The following RGS17 variants were observed in gnomAD, a reference collection of about 807,000 sequenced individuals.
RGS17 encodes regulator of G-protein signaling 17.
A neutral mutation model predicts 25.5 loss-of-function variants in RGS17; 12 were observed. The ratio of observed to expected loss-of-function variants is 0.47; its 90% CI spans 0.30 to 0.76. The LOEUF is 0.76. RGS17 is among the 30% of genes least tolerant of loss of function. RGS17 has a pLI of 0.07. For synonymous variants in RGS17, 71 were observed against 76.9 expected (o/e 0.92, Z 0.40); for missense variants, 196 against 242.2 (o/e 0.81, Z 1.27).
In RGS17 at chr6:153,074,521, G is replaced by A. The variant is rs144535490; in HGVS notation, c.-25-30478C>T. Among the ~76,000 whole-genome samples, 13 of 152,292 alleles carry A rather than the reference G, an allele frequency of 8.5e-5. No individual in the cohort carries two copies. In the East Asian group the frequency reaches 2.5e-3, roughly 29 times the overall value. On this transcript the variant is annotated intron_variant, in intron 1 of 4. Transcript: ENST00000206262. ...CAAAACTCCCTGTTAAAGCAGAATG[G>A]ATGTTGGAAATCGCTGGAACTCTTT...
At chr6:153,029,783 G>T (rs1779342670) in intron 2 of RGS17, among the ~76,000 whole-genome samples, 1 of 152,012 alleles carries the variant, frequency 6.6e-6, no homozygotes, top group Non-Finnish European at 1.5e-5. Context: ...TAGAGACAGG[G>T]TTTCACCATG....
At chr6:153,059,659 C>G (rs980723157) in intron 1 of RGS17, among the ~76,000 whole-genome samples, 3 of 152,090 alleles carry the variant, frequency 2.0e-5, no homozygotes, top group Non-Finnish European at 4.4e-5. Flanking sequence ...TAACAAGGAG[C>G]CAAGTGAAAA....
In RGS17 at chr6:153,026,478, T is replaced by C; in HGVS notation, c.185A>G (p.Glu62Gly). ...AGRPTHTTKM[E>G]SIQVLEECQN... ...CCATTCCTCTAGGACCTGGATACTC[T>C]CCATTTTTGTAGTGTGTGTGGGTCT... Residue 62 changes from glutamate (E) to glycine (G), a missense_variant, in exon 3 of 5, where the codon GAG (glutamate) becomes GGG (glycine). Around this residue, in one of 2 missense-constraint regions of RGS17, gnomAD observed 179 missense variants for 197.6 expected, o/e 0.91. Coordinates refer to ENST00000206262, the MANE Select transcript of RGS17 (RefSeq NM_012419.5). The C allele has an allele frequency of 6.2e-7, 1 of 1,613,062 alleles. No individual in the cohort carries two copies.
At chr6:153,129,402 C>CT (rs1402462205) in intron 1 of RGS17, among the ~76,000 whole-genome samples, 1 of 152,250 alleles carries the variant, frequency 6.6e-6, no homozygotes, top group Non-Finnish European at 1.5e-5. Flanking sequence ...AATACTCTCA[C>CT]TACAGAAGAC....
chr6:153,076,790 G>A (rs1173788675), intron 1 of RGS17, among the ~76,000 whole-genome samples: 2 of 152,114 alleles, frequency 1.3e-5, no homozygotes, highest in East Asian at 3.8e-4. Flanking sequence ...ACACTAAATA[G>A]GGGAATACAA....
chr6:153,091,706 T>C (rs1483708968), intron 1 of RGS17, among the ~76,000 whole-genome samples: 3 of 151,918 alleles, frequency 2.0e-5, no homozygotes, highest in Non-Finnish European at 4.4e-5. Context: ...AGAGACGGGG[T>C]TTCTCCATGT....
At chr6:153,116,230 A>C (rs1405484955) in intron 1 of RGS17, among the ~76,000 whole-genome samples, 4 of 152,192 alleles carry the variant, frequency 2.6e-5, no homozygotes, top group Non-Finnish European at 5.9e-5. Context: ...TTACAAGAAA[A>C]AAGCAAACAA....
chr6:153,052,095 G>C (rs9384070), intron 1 of RGS17, among the ~76,000 whole-genome samples: 58,558 of 151,988 alleles, frequency 0.39, 11,985 homozygotes, highest in East Asian at 0.62. Flanking sequence ...AGGAAGAATT[G>C]CCTGATTTTC....
At position 153,127,706 on chromosome 6, in the gene RGS17, T is replaced by C. The variant is rs569251004; in HGVS notation, c.-26+3418A>G. Among the ~76,000 whole-genome samples the C allele has an allele frequency of 4.6e-5, 7 of 152,318 alleles. No homozygotes were observed. In the South Asian group the frequency reaches 1.4e-3, roughly 32 times the overall value. ...ATAATTGGGAAACAAATCAGTAATA[T>C]AAATGTTGTATTAAACACATATATA... is the stretch of plus-strand genomic sequence containing the variant. On this transcript the variant is annotated intron_variant, in intron 1 of 4. Transcript: ENST00000206262.
At chr6:153,099,731 C>A (rs546735989) in intron 1 of RGS17, among the ~76,000 whole-genome samples, 2 of 152,156 alleles carry the variant, frequency 1.3e-5, no homozygotes, top group Non-Finnish European at 2.9e-5. Flanking sequence ...TAAGCGTAAG[C>A]AGATTACCTA....
At chr6:153,027,942 C>A (rs1779320620) in intron 2 of RGS17, among the ~76,000 whole-genome samples, 1 of 152,200 alleles carries the variant, frequency 6.6e-6, no homozygotes, top group African/African-American at 2.4e-5. Context: ...GAAACCAAGA[C>A]AATGTCTCCT....
At chr6:153,097,290 A>ATTTT (rs3083488) in intron 1 of RGS17, among the ~76,000 whole-genome samples, 7 of 88,296 alleles carry the variant, frequency 7.9e-5, no homozygotes, top group Non-Finnish European at 1.1e-4. Context: ...CGTTTTTTTG[A>ATTTT]TTTTTTTTTT....
chr6:153,014,793 G>A (rs1231101172), intron 4 of RGS17, among the ~76,000 whole-genome samples: 2 of 137,858 alleles, frequency 1.5e-5, no homozygotes, highest in South Asian at 2.4e-4. Context: ...GTGAGACTCC[G>A]TCTCAAAAAA....
At chr6:153,119,228 A>G (rs1389072351) in intron 1 of RGS17, among the ~76,000 whole-genome samples, 1 of 152,154 alleles carries the variant, frequency 6.6e-6, no homozygotes, top group East Asian at 1.9e-4. Context: ...CTCTGGTACC[A>G]TCTGGACCTC....
At chr6:153,081,041 T>C (rs1776971626) in intron 1 of RGS17, among the ~76,000 whole-genome samples, 1 of 152,142 alleles carries the variant, frequency 6.6e-6, no homozygotes, top group East Asian at 1.9e-4. Context: ...TATTGTGATA[T>C]ATATTTATGT....
At chr6:153,062,088 T>C (rs895503569) in intron 1 of RGS17, among the ~76,000 whole-genome samples, 6 of 151,738 alleles carry the variant, frequency 4.0e-5, no homozygotes, top group African/African-American at 1.5e-4. Context: ...CAGATCCCCG[T>C]GCCTCCCGCC....
intron 1 of RGS17, among the ~76,000 whole-genome samples, chr6:153,101,575 C>T (rs1413868798): frequency 1.3e-5 from 2 of 152,258 alleles, no homozygotes; most frequent in South Asian, 2.1e-4. Context: ...ACAGTATATG[C>T]TACTGTTGGT....
chr6:153,078,413 T>TTTTTATATCATGGTATTTATA (rs1416986840), intron 1 of RGS17, among the ~76,000 whole-genome samples: 38 of 152,300 alleles, frequency 2.5e-4, no homozygotes, highest in Non-Finnish European at 4.4e-4. Flanking sequence ...ATGGTATCTC[T>TTTTTATATCATGGTATTTATA]TCATATATTT....
chr6:153,023,298 C>T (rs545993996), intron 4 of RGS17: 232 of 458,400 alleles, frequency 5.1e-4, no homozygotes, highest in Non-Finnish European at 7.9e-4. Flanking sequence ...AGGGGCATGC[C>T]ATTTAAATGC....
Sources: allele counts gnomAD v4.1 joint callset (sites outside exome capture counted in the v4.1 genomes callset), GRCh38; gene constraint gnomAD v4.1.1; regional missense constraint gnomAD v4.1.1; transcripts MANE v1.5; gene names NCBI Gene and HGNC (gene_info 2026-07-23, HGNC 2026-07-21).